PELI2: variants seen among roughly 807,000 people sequenced by gnomAD.
PELI2 encodes the protein E3 ubiquitin-protein ligase pellino homolog 2.
In PELI2, 23 loss-of-function variants were observed where a neutral mutation model predicts 42.3. The observed-to-expected ratio is 0.54, with a 90% CI of 0.39 to 0.77. PELI2 has a LOEUF of 0.77. Among genes scored for constraint, PELI2 ranks in the 30% least tolerant of loss-of-function variants. The probability of loss-of-function intolerance (pLI) is 0.00; values close to 1 mark genes in which losing one functional copy is unlikely to be tolerated. For missense variants in PELI2, 463 were observed against 553.2 expected (o/e 0.84, Z 1.64); for synonymous variants, 245 against 212.2 (o/e 1.15, Z -1.34).
chr14:56,290,506 A>C lies in PELI2; in HGVS notation c.696+50A>C, dbSNP rs776062315. Reference sequence around the variant, plus strand: ...GTGAAGTACGAAACTACTCAAGCCTAACTCGAAGGCTATCATTTTCCTCCC... The same window carrying C: ...GTGAAGTACGAAACTACTCAAGCCTCACTCGAAGGCTATCATTTTCCTCCC... On this transcript the variant is annotated intron_variant, in intron 5 of 5. Coordinates refer to ENST00000267460, the MANE Select transcript of PELI2 (RefSeq NM_021255.3). 161 of 1,370,030 alleles carry C rather than the reference A, an allele frequency of 1.2e-4. 1 individual carries two copies. The highest frequency in any genetic ancestry group is 1.6e-4 in the Non-Finnish European group (156 of 999,790). 84.9% of individuals were successfully genotyped at this position (1,370,030 alleles called of 1,614,324 possible). A position where few individuals can be genotyped will look rare whatever the true frequency, so the allele number is the denominator to read the frequency against.
chr14:56,160,298 AT>A (rs763094179), intron 1 of PELI2, among the ~76,000 whole-genome samples: 5 of 152,164 alleles, frequency 3.3e-5, no homozygotes, highest in Non-Finnish European at 5.9e-5. Flanking sequence ...TTTCTACTTT[AT>A]GAGGCAGGAA....
intron 2 of PELI2, among the ~76,000 whole-genome samples, chr14:56,183,274 TTAATACTGTGCAGGAATA>T: frequency 6.6e-6 from 1 of 152,162 alleles, no homozygotes; most frequent in Non-Finnish European, 1.5e-5. Context: ...AAGAATATCT[TTAATACTGTGCAGGAATA>T]TAAACCTGAA....
At chr14:56,256,118 G>A (rs1021084781) in intron 2 of PELI2, among the ~76,000 whole-genome samples, 2 of 152,074 alleles carry the variant, frequency 1.3e-5, no homozygotes, top group African/African-American at 2.4e-5. Flanking sequence ...GTCAGTTTAG[G>A]TTAGGCAAGA....
chr14:56,263,040 A>G (rs766530484), intron 2 of PELI2, among the ~76,000 whole-genome samples: 1 of 152,032 alleles, frequency 6.6e-6, no homozygotes, highest in Non-Finnish European at 1.5e-5. Flanking sequence ...CACTGCAACA[A>G]CCACCTCCCA....
chr14:56,202,059 C>T (rs1358138709), intron 2 of PELI2, among the ~76,000 whole-genome samples: 2 of 152,210 alleles, frequency 1.3e-5, no homozygotes, highest in Non-Finnish European at 2.9e-5. Context: ...ATGAGACAAC[C>T]TGCCAGTGTC....
intron 1 of PELI2, among the ~76,000 whole-genome samples, chr14:56,163,053 G>T (rs1884824646): frequency 6.6e-6 from 1 of 151,850 alleles, no homozygotes; most frequent in African/African-American, 2.4e-5. Context: ...TCTCTTTATT[G>T]ATTGTATCCT....
chr14:56,237,575 C>T (rs766527155), intron 2 of PELI2, among the ~76,000 whole-genome samples: 11 of 151,800 alleles, frequency 7.2e-5, no homozygotes, highest in Non-Finnish European at 1.3e-4. Flanking sequence ...TTCCTTCCTC[C>T]ACCACTAAGC....
intron 1 of PELI2, among the ~76,000 whole-genome samples, chr14:56,149,454 A>G (rs1884255783): frequency 1.3e-5 from 2 of 152,212 alleles, no homozygotes. Flanking sequence ...TGCCTTACAA[A>G]ATAAGAATGC....
At chr14:56,224,209 G>A (rs1887258421) in intron 2 of PELI2, among the ~76,000 whole-genome samples, 1 of 152,196 alleles carries the variant, frequency 6.6e-6, no homozygotes. Flanking sequence ...GATTTCAGGT[G>A]TCCATCTTCA....
intron 2 of PELI2, among the ~76,000 whole-genome samples, chr14:56,233,380 C>T (rs1289391295): frequency 6.6e-6 from 1 of 152,182 alleles, no homozygotes; most frequent in Non-Finnish European, 1.5e-5. Context: ...GTAACCAAAA[C>T]AGCTTGGTAC....
At chr14:56,206,030 C>A (rs1012490279) in intron 2 of PELI2, among the ~76,000 whole-genome samples, 1 of 152,064 alleles carries the variant, frequency 6.6e-6, no homozygotes, top group Non-Finnish European at 1.5e-5. Context: ...GCTTTCAAAC[C>A]GGCGCTCCCA....
At chr14:56,235,857 G>A (rs185121489) in intron 2 of PELI2, among the ~76,000 whole-genome samples, 187 of 152,286 alleles carry the variant, frequency 1.2e-3, no homozygotes, top group Middle Eastern at 6.8e-3. Flanking sequence ...GCATTTCTGC[G>A]TACATTTAGG....
In PELI2 at chr14:56,206,918, G is replaced by A. The variant is rs749543851; in HGVS notation, c.207+28454G>A. Among the ~76,000 whole-genome samples the A allele has an allele frequency of 5.9e-5, 9 of 152,176 alleles. 1 individual carries two copies. The highest frequency in any genetic ancestry group is 1.2e-4 in the Non-Finnish European group (8 of 68,034). On this transcript the variant is annotated intron_variant, in intron 2 of 5. Transcript: ENST00000267460. The stretch of plus-strand genomic sequence containing the variant: ...GCTGCATGTTATGTGAGAATGACTT[G>A]CCATTCCTGAAAGCATGTTGGCTAT...
Position 56,296,804 on chromosome 14 carries a change from G to A in PELI2, c.901G>A (p.Val301Met), listed in dbSNP as rs751858873. 1.2e-6 allele frequency: 2 copies of A among 1,614,134 alleles called. No individual in the cohort carries two copies. The highest frequency in any genetic ancestry group is 2.2e-5 in the East Asian group (1 of 44,854). ...LAFPSINRKE[V>M]VEEKQPWAYL... ...CTTCCCCAGCATCAACAGGAAAGAG[G>A]TGGTGGAGGAGAAGCAGCCCTGGGC... Residue 301 changes from valine (V) to methionine (M), a missense_variant, in exon 6 of 6, where the codon GTG (valine) becomes ATG (methionine). Val to Met is a conservative substitution (Grantham distance 21). This residue lies in a region of PELI2 where 17 missense variants were observed against 45.3 expected (regional missense o/e 0.38). Coordinates refer to ENST00000267460, the MANE Select transcript of PELI2 (RefSeq NM_021255.3).
At chr14:56,128,688 T>C (rs1015684791) in intron 1 of PELI2, among the ~76,000 whole-genome samples, 1 of 148,180 alleles carries the variant, frequency 6.7e-6, no homozygotes, top group Admixed American at 6.7e-5. Flanking sequence ...GGGAGGGAGG[T>C]GAAGTTGGAA....
chr14:56,137,215 TAGAAG>T (rs1883717504), intron 1 of PELI2, among the ~76,000 whole-genome samples: 1 of 152,100 alleles, frequency 6.6e-6, no homozygotes, highest in African/African-American at 2.4e-5. Flanking sequence ...TTTTTTGTCT[TAGAAG>T]AGAAAGGCTG....
At chr14:56,261,919 C>T (rs1448930817) in intron 2 of PELI2, among the ~76,000 whole-genome samples, 1 of 152,168 alleles carries the variant, frequency 6.6e-6, no homozygotes, top group Non-Finnish European at 1.5e-5. Flanking sequence ...AATATATTGA[C>T]TGAAGATTGC....
intron 2 of PELI2, among the ~76,000 whole-genome samples, chr14:56,235,492 T>G (rs1887758417): frequency 6.6e-6 from 1 of 152,200 alleles, no homozygotes; most frequent in Non-Finnish European, 1.5e-5. Context: ...GCATCTTTCT[T>G]TGTTGCTCAG....
chr14:56,174,748 G>T (rs1427626501), intron 1 of PELI2, among the ~76,000 whole-genome samples: 1 of 152,192 alleles, frequency 6.6e-6, no homozygotes, highest in African/African-American at 2.4e-5. Context: ...CGAGCTTCTT[G>T]TTAAGCCTGT....
Sources: allele counts gnomAD v4.1 joint callset (sites outside exome capture counted in the v4.1 genomes callset), GRCh38; gene constraint gnomAD v4.1.1; regional missense constraint gnomAD v4.1.1; transcripts MANE v1.5; gene names NCBI Gene and HGNC (gene_info 2026-07-23, HGNC 2026-07-21).